Variants in NXN observed in about 807,000 individuals in gnomAD.
The protein encoded by NXN is nucleoredoxin 1.
Under a neutral mutation model 48.6 loss-of-function variants are expected in NXN, and 16 were observed. That is an observed-to-expected ratio of 0.33 (90% CI 0.22 to 0.50). The LOEUF (loss-of-function observed/expected upper bound fraction) is 0.50, where lower values mean the gene tolerates loss of function less well. Among genes scored for constraint, NXN ranks in the 20% least tolerant of loss-of-function variants. NXN has a pLI of 0.98. For missense variants in NXN, 492 were observed against 605.5 expected (o/e 0.81, Z 1.97); for synonymous variants, 281 against 269.6 (o/e 1.04, Z -0.41).
chr17:823,881 A>G, intron 2 of NXN, 116 bp from the exon 3 acceptor site: 1 of 997,358 alleles, frequency 1.0e-6, no homozygotes, highest in South Asian at 1.6e-5. Context: ...GGGAGACCTC[A>G]GAGCGGCAGG....
chr17:817,347 T>C (rs768602867), intron 5 of NXN, among the ~76,000 whole-genome samples: 10 of 152,166 alleles, frequency 6.6e-5, no homozygotes, highest in African/African-American at 1.9e-4. Context: ...CCCATATATG[T>C]ATTCTAAATG....
intron 1 of NXN, among the ~76,000 whole-genome samples, chr17:859,260 T>C (rs185476903): frequency 6.2e-4 from 95 of 152,282 alleles, no homozygotes; most frequent in African/African-American, 1.3e-3. Flanking sequence ...CGCTGACCGA[T>C]AGTTCAAAGC....
intron 1 of NXN, chr17:896,856 C>CGGGGGGGGGGGG: frequency 2.6e-6 from 3 of 1,156,930 alleles, no homozygotes; most frequent in Non-Finnish European, 3.4e-6. Flanking sequence ...CGGTCCTGAC[C>CGGGGGGGGGGGG]ACCCGCCCCC....
chr17:881,513 C>T (rs916524108), intron 1 of NXN, among the ~76,000 whole-genome samples: 13 of 152,186 alleles, frequency 8.5e-5, no homozygotes, highest in African/African-American at 2.4e-4. Flanking sequence ...AGGCGTGAGC[C>T]GCCATGCCTG....
At chr17:963,850 G>GT (rs1567522450) in intron 1 of NXN, among the ~76,000 whole-genome samples, 4 of 152,172 alleles carry the variant, frequency 2.6e-5, no homozygotes, top group Admixed American at 6.6e-5. Context: ...GGCCGAGGAG[G>GT]GCAGATCACG....
In NXN at chr17:849,214, G is replaced by A. The variant is rs1348420547; in HGVS notation, c.361-23136C>T. On this transcript the variant is annotated intron_variant, in intron 1 of 7. Transcript: ENST00000336868. The surrounding 1 kb of genome is among the most constrained non-coding windows in gnomAD (Gnocchi z 4.2). Reference sequence around the variant, plus strand: ...GCTCTCTCCTGGAAGTTCAGAAAGTGGATACAAAGACGGATTCACTAAGAC... The same window carrying A: ...GCTCTCTCCTGGAAGTTCAGAAAGTAGATACAAAGACGGATTCACTAAGAC... Among the ~76,000 whole-genome samples, 1 of 152,074 alleles carries A rather than the reference G, an allele frequency of 6.6e-6. No homozygotes were observed. Among genetic ancestry groups the A allele is most frequent in the South Asian group, 2.1e-4 (1 of 4,832 alleles).
At position 979,568 on chromosome 17, in the gene NXN, G is replaced by A; in HGVS notation, c.111C>T (p.Tyr37=). The part of the protein sequence containing the change: ...GARGISLLGL[Y]FGCSLSAPCA... ...AGGGGGCGCTGAGGCTGCAGCCGAAGTAGAGACCCAGCAGCGAGATGCCGC... is the reference window on the plus strand; with the variant it reads ...AGGGGGCGCTGAGGCTGCAGCCGAAATAGAGACCCAGCAGCGAGATGCCGC... Residue 37 remains tyrosine, a synonymous_variant, in exon 1 of 8, where the codon TAC becomes TAT. Coordinates refer to ENST00000336868, the MANE Select transcript of NXN (RefSeq NM_022463.5). The A allele has an allele frequency of 2.1e-6, 3 of 1,412,818 alleles. No homozygotes were observed. The highest frequency in any genetic ancestry group is 1.9e-4 in the Middle Eastern group (1 of 5,384). 87.5% of individuals were successfully genotyped at this position (1,412,818 alleles called of 1,614,324 possible). A position where few individuals can be genotyped will look rare whatever the true frequency, so the allele number is the denominator to read the frequency against.
At chr17:966,629 G>A (rs1046847354) in intron 1 of NXN, among the ~76,000 whole-genome samples, 1 of 152,052 alleles carries the variant, frequency 6.6e-6, no homozygotes, top group African/African-American at 2.4e-5. Flanking sequence ...ATACAGACAT[G>A]AGCCACCACG....
chr17:867,768 A>G (rs917742352), intron 1 of NXN, among the ~76,000 whole-genome samples: 6 of 152,230 alleles, frequency 3.9e-5, no homozygotes, highest in Middle Eastern at 3.4e-3. Flanking sequence ...TCTACTAAAA[A>G]TACAAAAATT....
chr17:838,832 G>T (rs1287944484), intron 1 of NXN, among the ~76,000 whole-genome samples: 1 of 152,130 alleles, frequency 6.6e-6, no homozygotes, highest in East Asian at 1.9e-4. Flanking sequence ...CCAAACGGGG[G>T]CCGCTCCAAG....
intron 5 of NXN, among the ~76,000 whole-genome samples, chr17:818,668 G>A (rs1912627145): frequency 6.6e-6 from 1 of 152,104 alleles, no homozygotes. Flanking sequence ...GGCAGATCAC[G>A]AGGTCAAGAG....
At chr17:853,721 A>AT (rs762003466) in intron 1 of NXN, among the ~76,000 whole-genome samples, 2,561 of 105,010 alleles carry the variant, frequency 0.024, 48 homozygotes, top group East Asian at 0.084. Flanking sequence ...ATATATATAT[A>AT]TATTTTTTTT....
chr17:805,030 CAGCCA>C, intron 6 of NXN, 33 bp downstream of exon 6: 50 of 1,516,808 alleles, frequency 3.3e-5, no homozygotes, highest in Middle Eastern at 2.3e-4. Context: ...TCCCGCCCCC[CAGCCA>C]CCCCTCGCCC....
intron 1 of NXN, chr17:933,286 G>A (rs2068873599): frequency 6.6e-6 from 1 of 152,208 alleles, no homozygotes; most frequent in Admixed American, 6.6e-5. Flanking sequence ...TCGGCCAGAG[G>A]AGGAAATCTG....
chr17:927,042 G>T (rs113979347), intron 1 of NXN, among the ~76,000 whole-genome samples: 64 of 152,022 alleles, frequency 4.2e-4, no homozygotes, highest in African/African-American at 1.5e-3. Flanking sequence ...GGCCAGGTGC[G>T]GTGGCTCACG....
chr17:873,596 C>T (rs1253231173), intron 1 of NXN, among the ~76,000 whole-genome samples: 1 of 151,454 alleles, frequency 6.6e-6, no homozygotes, highest in Admixed American at 6.6e-5. Context: ...TGAATATCAA[C>T]TTCTTACTGG....
At chr17:834,321 C>G (rs1294927860) in intron 1 of NXN, among the ~76,000 whole-genome samples, 1 of 152,160 alleles carries the variant, frequency 6.6e-6, no homozygotes, top group African/African-American at 2.4e-5. Flanking sequence ...GACCCTGTCT[C>G]AAAAGGGCTG....
intron 1 of NXN, among the ~76,000 whole-genome samples, chr17:934,378 G>A (rs1394210165): frequency 2.6e-5 from 4 of 151,722 alleles, no homozygotes; most frequent in Admixed American, 6.6e-5. Context: ...CCCGGGAGAT[G>A]GAGCTTGCAG....
chr17:914,254 C>T (rs1294573572), intron 1 of NXN, among the ~76,000 whole-genome samples: 3 of 45,810 alleles, frequency 6.5e-5, no homozygotes, highest in Non-Finnish European at 1.9e-4. Flanking sequence ...AGGCTGGTCT[C>T]GCACTCCTGA....
Sources: gnomAD v4.1 joint callset for allele counts (sites outside exome capture counted in the v4.1 genomes callset) on GRCh38, gnomAD v4.1.1 for gene constraint, Gnocchi (gnomAD v3.1) non-coding constraint, MANE v1.5 for transcripts, NCBI Gene and HGNC (gene_info 2026-07-23, HGNC 2026-07-21) for gene names.